TBCK: variants seen among roughly 807,000 people sequenced by gnomAD.
The protein encoded by TBCK is TBC1 domain containing kinase.
Under a neutral mutation model 113.4 loss-of-function variants are expected in TBCK, and 99 were observed. The ratio of observed to expected loss-of-function variants is 0.87; its 90% CI spans 0.74 to 1.03. The LOEUF (loss-of-function observed/expected upper bound fraction) is 1.03, where lower values mean the gene tolerates loss of function less well. TBCK is among the 50% of genes least tolerant of loss of function. TBCK has a pLI of 0.00. For synonymous variants in TBCK, 369 were observed against 370.8 expected (o/e 1.00, Z 0.05); for missense variants, 1,045 against 1,061.3 (o/e 0.98, Z 0.21).
Position 106,045,734 on chromosome 4 carries a change from T to G in TBCK, c.*836A>C, listed in dbSNP as rs1280241952. 1 of 152,092 alleles carries G rather than the reference T, an allele frequency of 6.6e-6. No individual in the cohort carries two copies. Among genetic ancestry groups the G allele is most frequent in the East Asian group, 1.9e-4 (1 of 5,184 alleles). The allele number at this position is 152,092 out of a possible 1,614,324, so 9.4% of individuals were successfully genotyped here. A position where few individuals can be genotyped will look rare whatever the true frequency, so the allele number is the denominator to read the frequency against. On this transcript the variant is annotated 3_prime_UTR_variant, in exon 26 of 26. Coordinates refer to ENST00000394708, the MANE Select transcript of TBCK (RefSeq NM_001163435.3). ...TTCATCCCCTCCCTCCTTCCCTCAT[T>G]CTCTTCCTTCTAGATAGCAGATGTG...
At chr4:106,115,193 CA>C (rs1743346027) in intron 24 of TBCK, among the ~76,000 whole-genome samples, 1 of 151,928 alleles carries the variant, frequency 6.6e-6, no homozygotes, top group Non-Finnish European at 1.5e-5. Context: ...ATCCTTAATC[CA>C]AAAATCTAAA....
intron 19 of TBCK, among the ~76,000 whole-genome samples, chr4:106,217,818 T>A (rs12641650): frequency 2.8e-5 from 4 of 143,906 alleles, no homozygotes; most frequent in African/African-American, 4.9e-5. Context: ...GATTCAATGC[T>A]ATCCCCATAA....
chr4:106,254,416 T>C (rs759752702), intron 5 of TBCK, among the ~76,000 whole-genome samples: 5 of 152,228 alleles, frequency 3.3e-5, no homozygotes, highest in Admixed American at 2.0e-4. Flanking sequence ...TACTGCACAG[T>C]TGTTCTTTAA....
At chr4:106,243,839 A>G (rs1436669762) in intron 11 of TBCK, among the ~76,000 whole-genome samples, 1 of 151,916 alleles carries the variant, frequency 6.6e-6, no homozygotes, top group Non-Finnish European at 1.5e-5. Flanking sequence ...CAGGCACACA[A>G]CACCACGCCC....
intron 19 of TBCK, among the ~76,000 whole-genome samples, chr4:106,220,328 T>C (rs533817455): frequency 6.6e-5 from 10 of 152,332 alleles, no homozygotes; most frequent in Non-Finnish European, 1.2e-4. Flanking sequence ...GCCGCTGCCA[T>C]GTAAGAAGTG....
At chr4:106,115,661 A>T (rs894362879) in intron 24 of TBCK, among the ~76,000 whole-genome samples, 5 of 152,186 alleles carry the variant, frequency 3.3e-5, no homozygotes, top group African/African-American at 1.2e-4. Flanking sequence ...CTGAACTGTT[A>T]CTATTTTGTA....
intron 25 of TBCK, among the ~76,000 whole-genome samples, chr4:106,056,691 T>C (rs992706625): frequency 6.6e-6 from 1 of 151,648 alleles, no homozygotes; most frequent in African/African-American, 2.4e-5. Flanking sequence ...GGTAACATTA[T>C]GGAAGGTTCT....
At chr4:106,242,075 T>C (rs529732030) in intron 12 of TBCK, among the ~76,000 whole-genome samples, 3 of 152,070 alleles carry the variant, frequency 2.0e-5, no homozygotes, top group South Asian at 4.1e-4. Flanking sequence ...TAGTAATACA[T>C]AGAAGAGGTA....
intron 25 of TBCK, among the ~76,000 whole-genome samples, chr4:106,058,550 A>G (rs1238317865): frequency 6.6e-6 from 1 of 151,778 alleles, no homozygotes; most frequent in Non-Finnish European, 1.5e-5. Flanking sequence ...TACCTAGATT[A>G]ACAGAAGTGG....
chr4:106,053,411 A>T (rs570249444), intron 25 of TBCK, among the ~76,000 whole-genome samples: 2 of 151,734 alleles, frequency 1.3e-5, no homozygotes, highest in African/African-American at 4.8e-5. Context: ...ACATTTGATC[A>T]TGCCCTCCTT....
In TBCK at chr4:106,248,979, CA is replaced by C; in HGVS notation, c.661del (p.Cys221ValfsTer2). 1 of 1,600,838 alleles carries C rather than the reference CA, an allele frequency of 6.2e-7. No homozygotes were observed. The highest frequency in any genetic ancestry group is 8.5e-7 in the Non-Finnish European group (1 of 1,174,666). ...CAGAACTATTAAAGTGTCATCTACACAATCTATAAAACAGAAAAACTATATG... is the reference window on the plus strand; with the variant it reads ...CAGAACTATTAAAGTGTCATCTACACATCTATAAAACAGAAAAACTATATG... ...ERLKFLLTLD[C>X]VDDTLIVLAE... On this transcript the variant is annotated frameshift_variant and splice_region_variant, in exon 8 of 26. Coordinates refer to ENST00000394708, the MANE Select transcript of TBCK (RefSeq NM_001163435.3). LOFTEE classifies it high-confidence loss of function.
At chr4:106,128,593 C>G (rs6816614) in intron 23 of TBCK, among the ~76,000 whole-genome samples, 35,279 of 151,836 alleles carry the variant, frequency 0.23, 4,158 homozygotes, top group South Asian at 0.27. Context: ...CTAGAATTAA[C>G]CTTATATTTA....
At chr4:106,213,346 A>T (rs1184832585) in intron 19 of TBCK, 1 of 153,518 alleles carries the variant, frequency 6.5e-6, no homozygotes, top group East Asian at 1.9e-4. Flanking sequence ...ATTTAGAAAT[A>T]AGAATACCGG....
chr4:106,279,797 T>C (rs78579491), intron 3 of TBCK, among the ~76,000 whole-genome samples: 2,775 of 152,248 alleles, frequency 0.018, 78 homozygotes, highest in African/African-American at 0.061. Flanking sequence ...TACTCCATTG[T>C]GTATATGTAC....
chr4:106,292,341 G>A (rs1765809149), intron 3 of TBCK, among the ~76,000 whole-genome samples: 2 of 152,128 alleles, frequency 1.3e-5, no homozygotes, highest in African/African-American at 2.4e-5. Flanking sequence ...GGAGGCTGAG[G>A]TGCGTGGATC....
chr4:106,086,298 A>G (rs1739509894), intron 25 of TBCK, among the ~76,000 whole-genome samples: 1 of 152,224 alleles, frequency 6.6e-6, no homozygotes, highest in South Asian at 2.1e-4. Flanking sequence ...AGAATACTAT[A>G]AACATCTCTA....
chr4:106,283,462 A>C (rs1764817367), intron 3 of TBCK, among the ~76,000 whole-genome samples: 1 of 152,144 alleles, frequency 6.6e-6, no homozygotes, highest in South Asian at 2.1e-4. Context: ...GTACGAAGGG[A>C]AACAGTAAGA....
At chr4:106,121,240 C>T (rs1457794373) in intron 23 of TBCK, among the ~76,000 whole-genome samples, 14 of 151,414 alleles carry the variant, frequency 9.2e-5, no homozygotes, top group Admixed American at 3.3e-4. Flanking sequence ...TCTGATAAAA[C>T]AGACTTTAAA....
intron 25 of TBCK, among the ~76,000 whole-genome samples, chr4:106,080,805 A>C (rs1738762826): frequency 1.3e-5 from 2 of 152,094 alleles, no homozygotes; most frequent in South Asian, 4.1e-4. Flanking sequence ...AGAGACTATA[A>C]GGAACTTAAA....
Sources: gnomAD v4.1 joint callset for allele counts (sites outside exome capture counted in the v4.1 genomes callset) on GRCh38, gnomAD v4.1.1 for gene constraint, MANE v1.5 for transcripts, NCBI Gene and HGNC (gene_info 2026-07-23, HGNC 2026-07-21) for gene names.